The following TBL3 variants were observed in gnomAD, a reference collection of about 807,000 sequenced individuals.
TBL3 encodes transducin beta like 3.
TBL3 carries 71 observed loss-of-function variants against 102.7 expected under a neutral mutation model. The observed-to-expected ratio is 0.69, with a 90% CI of 0.57 to 0.84. The LOEUF (loss-of-function observed/expected upper bound fraction) is 0.84, where lower values mean the gene tolerates loss of function less well. Ranked by LOEUF, TBL3 falls within the 40% of genes least tolerant of loss-of-function variation. The pLI is 0.00. For missense variants in TBL3, 1,188 were observed against 1,098.5 expected, an observed-to-expected ratio of 1.08 and a Z score of -1.15; for synonymous variants, 578 against 477.7, an observed-to-expected ratio of 1.21 and a Z score of -2.74.
At position 1,975,027 on chromosome 16, in the gene TBL3, G is replaced by C. The variant is rs765337154; in HGVS notation, c.564G>C (p.Leu188=). ...GGTCACTGCAGGACCGGTCATGCCT[G>C]GCTGTGCTGACTGCCCACTACAGCG... ...RVWSLQDRSC[L]AVLTAHYSAV... Residue 188 remains leucine, a synonymous_variant, in exon 7 of 22, where the codon CTG becomes CTC. Transcript: ENST00000568546. 6.2e-7 allele frequency: 1 copy of C among 1,607,222 alleles called. No individual in the cohort carries two copies. The highest frequency in any genetic ancestry group is 2.2e-5 in the East Asian group (1 of 44,890).
Position 1,976,931 on chromosome 16 carries a change from G to A in TBL3, c.1410G>A (p.Gln470=), listed in dbSNP as rs1355972018. The A allele has an allele frequency of 5.0e-6, 8 of 1,613,976 alleles. No homozygotes were observed. Among genetic ancestry groups the A allele is most frequent in the Non-Finnish European group, 4.2e-6 (5 of 1,180,020 alleles). ...TAPDNGPILL[Q]AQTTQRCHDK... ...CAGACAACGGCCCTATCCTCCTGCA[G>A]GCCCAGACCACTCAGCGCTGCCATG... Residue 470 remains glutamine (Q), a synonymous_variant, in exon 14 of 22, where the codon CAG becomes CAA. Coordinates refer to ENST00000568546, the MANE Select transcript of TBL3 (RefSeq NM_006453.3).
In TBL3 at chr16:1,973,289, C is replaced by T. The variant is rs1012750880; in HGVS notation, c.42-767C>T. On this transcript the variant is annotated intron_variant, in intron 1 of 21. Transcript: ENST00000568546. ...CTAAAAATACAAAAAATTAGCTGGG[C>T]GCAGTGGCGGGCACCTGTAGTCCCA... Among the ~76,000 whole-genome samples the T allele has an allele frequency of 5.9e-5, 9 of 152,046 alleles. No homozygotes were observed. In the East Asian group the frequency reaches 1.4e-3, roughly 23 times the overall value.
chr16:1,980,677 G>T lies in TBL3; in HGVS notation c.*1992G>T. ...TGACCGAGAAGCTTTGGGAGAACGC[G>T]GTCAGATCTCCGCAGCAGGCCCGCC... is the stretch of plus-strand genomic sequence containing the variant. On this transcript the variant is annotated 3_prime_UTR_variant, in exon 22 of 22. Transcript: ENST00000568546. 1 of 1,607,178 alleles carries T rather than the reference G, an allele frequency of 6.2e-7. No individual in the cohort carries two copies. Among genetic ancestry groups the T allele is most frequent in the Non-Finnish European group, 8.5e-7 (1 of 1,177,236 alleles).
Position 1,975,586 on chromosome 16 carries a change from C to G in TBL3, c.863C>G (p.Pro288Arg). ...CAGTGTGTGTACACGCAGGCCCAGC[C>G]GCCGGGCCCTGGGCAGGAGCTGACC... ...SGQCVYTQAQ[P>R]PGPGQELTHC... Residue 288 changes from proline to arginine, a missense_variant, in exon 10 of 22, where the codon CCG (proline) becomes CGG (arginine). Pro to Arg is a moderately radical substitution (Grantham distance 103, BLOSUM62 -2). Transcript: ENST00000568546. 1 of 1,599,922 alleles carries G rather than the reference C, an allele frequency of 6.3e-7. No homozygotes were observed.
At position 1,978,956 on chromosome 16, in the gene TBL3, C is replaced by T. The variant is rs1204635297; in HGVS notation, c.*271C>T. Reference sequence around the variant, plus strand: ...CTTTACTCAGAGGAACAGCAAATGGCCCCCTCCCATCCCTGCTGGCCAGGG... The same window carrying T: ...CTTTACTCAGAGGAACAGCAAATGGTCCCCTCCCATCCCTGCTGGCCAGGG... On this transcript the variant is annotated 3_prime_UTR_variant, in exon 22 of 22. Transcript: ENST00000568546. 4.0e-6 allele frequency: 5 copies of T among 1,262,710 alleles called. No homozygotes were observed. The East Asian group carries it at 7.7e-5, about 19-fold the overall frequency. The allele number at this position is 1,262,710 out of a possible 1,614,324, so 78.2% of individuals were successfully genotyped here. A position where few individuals can be genotyped will look rare whatever the true frequency, so the allele number is the denominator to read the frequency against.
Position 1,980,691 on chromosome 16 carries a change from A to C in TBL3, c.*2006A>C. The C allele has an allele frequency of 6.2e-7, 1 of 1,606,844 alleles. No individual in the cohort carries two copies. Among genetic ancestry groups the C allele is most frequent in the Non-Finnish European group, 8.5e-7 (1 of 1,177,068 alleles). On this transcript the variant is annotated 3_prime_UTR_variant, in exon 22 of 22. Transcript: ENST00000568546. ...TGGGAGAACGCGGTCAGATCTCCGC[A>C]GCAGGCCCGCCTCCACCGGGAAGGT...
Position 1,982,257 on chromosome 16 carries a change from T to G in TBL3, c.*3572T>G, listed in dbSNP as rs66874200. ...TCTGTCCCACCAGCACTCTCTCTCA[T>G]GCCCTCAAGCTGTCCCTGGTCTTGG... On this transcript the variant is annotated 3_prime_UTR_variant, in exon 22 of 22. Transcript: ENST00000568546. 0.091 allele frequency: 13,878 copies of G among 152,250 alleles called. 696 individuals are homozygous for G. The highest frequency in any genetic ancestry group is 0.1 in the African/African-American group (4,132 of 41,524). The allele number at this position is 152,250 out of a possible 1,614,324, so 9.4% of individuals were successfully genotyped here.
chr16:1,980,384 G>C lies in TBL3; in HGVS notation c.*1699G>C. 6.2e-7 allele frequency: 1 copy of C among 1,601,524 alleles called. No homozygotes were observed. ...TCAGGCACCTGCCGGGTGGCAGCGCGGGCTCCAGGTCCAGGGGTTGCGGTG... is the reference window on the plus strand; with the variant it reads ...TCAGGCACCTGCCGGGTGGCAGCGCCGGCTCCAGGTCCAGGGGTTGCGGTG... On this transcript the variant is annotated 3_prime_UTR_variant, in exon 22 of 22. Transcript: ENST00000568546.
At position 1,976,889 on chromosome 16, in the gene TBL3, G is replaced by C. The variant is rs764249716; in HGVS notation, c.1368G>C (p.Leu456=). The C allele has an allele frequency of 1.4e-5, 22 of 1,613,874 alleles. No individual in the cohort carries two copies. The Admixed American group carries it at 2.7e-4, about 20-fold the overall frequency. The part of the protein sequence containing the change: ...VKLWPLPKAL[L]SKNTAPDNGP... ...TGTGGCCTCTTCCCAAAGCCTTGCT[G>C]TCCAAGAACACAGCCCCAGACAACG... The change falls in exon 14 of 22, where the codon CTG becomes CTC. Residue 456 remains leucine, a synonymous_variant. Coordinates refer to ENST00000568546, the MANE Select transcript of TBL3 (RefSeq NM_006453.3).
In TBL3 at chr16:1,974,994, C is replaced by T; in HGVS notation, c.531C>T (p.Ile177=). The T allele has an allele frequency of 6.2e-7, 1 of 1,607,816 alleles. No individual in the cohort carries two copies. The highest frequency in any genetic ancestry group is 8.5e-7 in the Non-Finnish European group (1 of 1,179,970). ...TCTCCTCGGCCACGGATGCCGCCAT[C>T]CGCGTGTGGTCACTGCAGGACCGGT... ...LLFSSATDAA[I]RVWSLQDRSC... The change falls in exon 7 of 22, where the codon ATC becomes ATT. Residue 177 remains isoleucine (I), a synonymous_variant. Transcript: ENST00000568546.
At chr16:1,972,297 C>A (rs898114812) in intron 1 of TBL3, 92 bp downstream of exon 1, 6 of 1,240,290 alleles carry the variant, frequency 4.8e-6, no homozygotes, top group South Asian at 2.4e-5. Flanking sequence ...GCATTGGGGT[C>A]CGTGGAGGCG....
At position 1,979,909 on chromosome 16, in the gene TBL3, C is replaced by A. The variant is rs767995216; in HGVS notation, c.*1224C>A. 3.8e-6 allele frequency: 6 copies of A among 1,579,682 alleles called. No individual in the cohort carries two copies. The highest frequency in any genetic ancestry group is 4.3e-6 in the Non-Finnish European group (5 of 1,163,498). On this transcript the variant is annotated 3_prime_UTR_variant, in exon 22 of 22. Coordinates refer to ENST00000568546, the MANE Select transcript of TBL3 (RefSeq NM_006453.3). Reference sequence around the variant, plus strand: ...GTTCTCCACCAGCCACCAGCCTGTGCGCAAGAAGCGGGCAGGGACTCAAAT... The same window carrying A: ...GTTCTCCACCAGCCACCAGCCTGTGAGCAAGAAGCGGGCAGGGACTCAAAT...
rs757295694 is a variant in TBL3, at chr16:1,975,685, C to T, written c.962C>T (p.Ala321Val). 22 of 1,611,082 alleles carry T rather than the reference C, an allele frequency of 1.4e-5. No homozygotes were observed. The highest frequency in any genetic ancestry group is 1.9e-5 in the Non-Finnish European group (22 of 1,179,724). ...TADHNLLLYE[A>V]RSLRLQKQFA... is the part of the protein sequence containing the mutation. Reference sequence around the variant, plus strand: ...GACCACAACCTGTTGCTCTACGAGGCTCGCTCCCTGCGGCTGCAGAAACAG... The same window carrying T: ...GACCACAACCTGTTGCTCTACGAGGTTCGCTCCCTGCGGCTGCAGAAACAG... The change falls in exon 10 of 22, where the codon GCT becomes GTT. Residue 321 changes from alanine (A) to valine (V), a missense_variant. By Grantham distance (64) the Ala-to-Val change is moderately conservative (BLOSUM62 0). Coordinates refer to ENST00000568546, the MANE Select transcript of TBL3 (RefSeq NM_006453.3).
rs2083435108 is a variant in TBL3 at position 1,979,009 on chromosome 16, C to G, written c.*324C>G. The G allele has an allele frequency of 4.6e-6, 7 of 1,508,824 alleles. No individual in the cohort carries two copies. The highest frequency in any genetic ancestry group is 6.2e-6 in the Non-Finnish European group (7 of 1,133,962). 93.5% of individuals were successfully genotyped at this position (1,508,824 alleles called of 1,614,324 possible). On this transcript the variant is annotated 3_prime_UTR_variant, in exon 22 of 22. Coordinates refer to ENST00000568546, the MANE Select transcript of TBL3 (RefSeq NM_006453.3). ...ATCCGCCCTCCCCGCTCCTCCCCAGCCCTGGGATGGCGCGGTCCATCCCCT... is the reference window on the plus strand; with the variant it reads ...ATCCGCCCTCCCCGCTCCTCCCCAGGCCTGGGATGGCGCGGTCCATCCCCT...
rs1567324286 is a variant in TBL3 at position 1,974,548 on chromosome 16, C to T, written c.248C>T (p.Thr83Ile). The change falls in exon 5 of 22, where the codon ACA becomes ATA. Residue 83 changes from threonine (T) to isoleucine (I), a missense_variant. Physicochemically the swap from Thr to Ile is moderately conservative, Grantham distance 89. Transcript: ENST00000568546. ...DLSPDNEVLV[T>I]ASRALLLAQW... ...TGTACCCTCCCCCAGGTGCTGGTGACAGCCAGTCGGGCATTGCTGCTGGCT... is the reference window on the plus strand; with the variant it reads ...TGTACCCTCCCCCAGGTGCTGGTGATAGCCAGTCGGGCATTGCTGCTGGCT... 1 of 1,606,560 alleles carries T rather than the reference C, an allele frequency of 6.2e-7. No homozygotes were observed. Among genetic ancestry groups the T allele is most frequent in the Admixed American group, 1.7e-5 (1 of 59,738 alleles).
In TBL3 at chr16:1,978,948, G is replaced by T; in HGVS notation, c.*263G>T. 1 of 1,224,706 alleles carries T rather than the reference G, an allele frequency of 8.2e-7. No homozygotes were observed. The highest frequency in any genetic ancestry group is 1.1e-6 in the Non-Finnish European group (1 of 889,710). The allele number at this position is 1,224,706 out of a possible 1,614,324, so 75.9% of individuals were successfully genotyped here. A position where few individuals can be genotyped will look rare whatever the true frequency, so the allele number is the denominator to read the frequency against. On this transcript the variant is annotated 3_prime_UTR_variant, in exon 22 of 22. Transcript: ENST00000568546. ...AGAACAAGCTTTACTCAGAGGAACA[G>T]CAAATGGCCCCCTCCCATCCCTGCT...
At position 1,975,452 on chromosome 16, in the gene TBL3, G is replaced by C; in HGVS notation, c.805+14G>C. 1 of 1,612,520 alleles carries C rather than the reference G, an allele frequency of 6.2e-7. No individual in the cohort carries two copies. The highest frequency in any genetic ancestry group is 8.5e-7 in the Non-Finnish European group (1 of 1,179,422). On this transcript the variant is annotated intron_variant, in intron 9 of 21. Coordinates refer to ENST00000568546, the MANE Select transcript of TBL3 (RefSeq NM_006453.3). ...CTGGCGACCAAGGTGTGTTGGGCCG[G>C]GACATGGGCAGGCGGTAGGGGCTGG...
Position 1,980,206 on chromosome 16 carries a change from G to A in TBL3, c.*1521G>A. On this transcript the variant is annotated 3_prime_UTR_variant, in exon 22 of 22. Coordinates refer to ENST00000568546, the MANE Select transcript of TBL3 (RefSeq NM_006453.3). ...GCTGGGAAGGGCAGCCCGTACGAGTGAGAGGTAGGCGGATGGGGAGGGTGA... is the reference window on the plus strand; with the variant it reads ...GCTGGGAAGGGCAGCCCGTACGAGTAAGAGGTAGGCGGATGGGGAGGGTGA... The A allele has an allele frequency of 6.3e-7, 1 of 1,582,618 alleles. No homozygotes were observed. Among genetic ancestry groups the A allele is most frequent in the Non-Finnish European group, 8.6e-7 (1 of 1,167,092 alleles).
rs1317235864 is a variant in TBL3 at position 1,980,727 on chromosome 16, G to A, written c.*2042G>A. 6.3e-7 allele frequency: 1 copy of A among 1,599,078 alleles called. No individual in the cohort carries two copies. Among genetic ancestry groups the A allele is most frequent in the South Asian group, 1.1e-5 (1 of 88,948 alleles). On this transcript the variant is annotated 3_prime_UTR_variant, in exon 22 of 22. Transcript: ENST00000568546. ...CTCCACCGGGAAGGTCTCCTTGAGG[G>A]TCTTCTGAGGGCGGGAACCAGGGCA... is the stretch of plus-strand genomic sequence containing the variant.
Sources: allele counts gnomAD v4.1 joint callset (sites outside exome capture counted in the v4.1 genomes callset), GRCh38; gene constraint gnomAD v4.1.1; transcripts MANE v1.5; gene names NCBI Gene and HGNC (gene_info 2026-07-23, HGNC 2026-07-21).